MDGA2: variants seen among roughly 807,000 people sequenced by gnomAD.
MDGA2 encodes MAM domain-containing glycosylphosphatidylinositol anchor protein 2.
In MDGA2, 40 loss-of-function variants were observed where a neutral mutation model predicts 117.8. The observed-to-expected ratio is 0.34, with a 90% CI of 0.26 to 0.44. MDGA2 has a LOEUF of 0.44. Among genes scored for constraint, MDGA2 ranks in the 20% least tolerant of loss-of-function variants. MDGA2 has a pLI of 1.00. For synonymous variants in MDGA2, 452 were observed against 439.0 expected (o/e 1.03, Z -0.37); for missense variants, 1,123 against 1,250.6 (o/e 0.90, Z 1.54).
At chr14:47,017,161 A>C (rs892792219) in intron 8 of MDGA2, among the ~76,000 whole-genome samples, 15 of 151,872 alleles carry the variant, frequency 9.9e-5, no homozygotes, top group African/African-American at 3.4e-4. Context: ...CAAGCTTATC[A>C]AAGGAAAACA....
intron 1 of MDGA2, among the ~76,000 whole-genome samples, chr14:47,370,132 A>G (rs1202069081): frequency 6.6e-6 from 1 of 152,058 alleles, no homozygotes; most frequent in Non-Finnish European, 1.5e-5. Flanking sequence ...AATGAATTCA[A>G]TCATTCAATA....
chr14:47,314,968 G>A (rs183152331), intron 1 of MDGA2, among the ~76,000 whole-genome samples: 43 of 152,148 alleles, frequency 2.8e-4, no homozygotes, highest in Admixed American at 2.4e-3. Flanking sequence ...GACTTGTCTA[G>A]AGGGACGTTA....
At chr14:47,300,665 T>G (rs1889246840) in intron 2 of MDGA2, among the ~76,000 whole-genome samples, 1 of 116,838 alleles carries the variant, frequency 8.6e-6, no homozygotes, top group Non-Finnish European at 2.0e-5. Flanking sequence ...AATTTTTTAA[T>G]TTTTTTTTTT....
intron 3 of MDGA2, among the ~76,000 whole-genome samples, chr14:47,187,300 T>C (rs1489326637): frequency 6.6e-6 from 1 of 152,032 alleles, no homozygotes; most frequent in Non-Finnish European, 1.5e-5. Flanking sequence ...TTGGAATTAG[T>C]AATTTAAAAG....
At chr14:47,046,748 T>A (rs1889280910) in intron 7 of MDGA2, among the ~76,000 whole-genome samples, 1 of 152,102 alleles carries the variant, frequency 6.6e-6, no homozygotes, top group Admixed American at 6.6e-5. Flanking sequence ...AAACTACTAA[T>A]AATAGGCAGG....
rs150955424 is a variant in MDGA2, at chr14:47,471,161, C to T, written c.281-169611G>A. The stretch of plus-strand genomic sequence containing the variant: ...TTTTTCTTTTGTATCTTGCCAGGTA[C>T]GTGGTAGATGGCTGTTAGAATAAAA... On this transcript the variant is annotated intron_variant, in intron 1 of 16. Coordinates refer to ENST00000399232, the MANE Select transcript of MDGA2 (RefSeq NM_001113498.3). 2.9e-3 allele frequency among the ~76,000 whole-genome samples: 434 copies of T among 151,456 alleles called. 1 individual carries two copies. The highest frequency in any genetic ancestry group is 9.8e-3 in the African/African-American group (403 of 41,290).
chr14:47,196,501 A>G (rs1885293002), intron 3 of MDGA2, among the ~76,000 whole-genome samples: 1 of 152,206 alleles, frequency 6.6e-6, no homozygotes, highest in Admixed American at 6.5e-5. Context: ...CTAACTTTAT[A>G]TAACATCAGG....
At chr14:46,934,001 C>T (rs993395187) in intron 9 of MDGA2, among the ~76,000 whole-genome samples, 21 of 150,948 alleles carry the variant, frequency 1.4e-4, no homozygotes, top group African/African-American at 4.6e-4. Context: ...AATTTTTTCT[C>T]AAAATAAGTT....
At chr14:46,894,794 G>T (rs1341008107) in intron 10 of MDGA2, among the ~76,000 whole-genome samples, 5 of 152,110 alleles carry the variant, frequency 3.3e-5, no homozygotes, top group Admixed American at 3.3e-4. Context: ...AAGAGACCAT[G>T]TGTAACAGTA....
chr14:47,307,205 G>C (rs866105783), intron 1 of MDGA2, among the ~76,000 whole-genome samples: 1 of 151,830 alleles, frequency 6.6e-6, no homozygotes, highest in Non-Finnish European at 1.5e-5. Context: ...TCCTATCTGA[G>C]TTTCTGGTTT....
chr14:47,081,470 A>C (rs1219875804), intron 6 of MDGA2, among the ~76,000 whole-genome samples: 1 of 152,186 alleles, frequency 6.6e-6, no homozygotes, highest in East Asian at 1.9e-4. Context: ...TAAACATATA[A>C]CATCTGTGCC....
intron 2 of MDGA2, among the ~76,000 whole-genome samples, chr14:47,226,966 G>T (rs1228697340): frequency 6.6e-6 from 1 of 151,834 alleles, no homozygotes; most frequent in African/African-American, 2.4e-5. Flanking sequence ...ACACCCTCCG[G>T]TCCTCCAGAT....
intron 1 of MDGA2, among the ~76,000 whole-genome samples, chr14:47,517,194 C>T (rs1566494702): frequency 6.6e-6 from 1 of 152,016 alleles, no homozygotes; most frequent in Non-Finnish European, 1.5e-5. Context: ...AATATCATGC[C>T]TGCAAAAAAT....
At chr14:47,409,230 A>G (rs1358915320) in intron 1 of MDGA2, among the ~76,000 whole-genome samples, 1 of 152,242 alleles carries the variant, frequency 6.6e-6, no homozygotes, top group East Asian at 1.9e-4. Flanking sequence ...TATGGGAAGA[A>G]GCCAAGAGAT....
intron 1 of MDGA2, among the ~76,000 whole-genome samples, chr14:47,471,022 T>G (rs72687640): frequency 0.28 from 42,391 of 151,982 alleles, 6,298 homozygotes; most frequent in South Asian, 0.52. Flanking sequence ...GGGAAGATTA[T>G]GGACTTCTCT....
chr14:47,567,696 C>G (rs1463805672), intron 1 of MDGA2, among the ~76,000 whole-genome samples: 1 of 152,194 alleles, frequency 6.6e-6, no homozygotes, highest in South Asian at 2.1e-4. Context: ...TTCCACTTCC[C>G]TAACACCCCT....
At chr14:47,304,408 C>A (rs967278289) in intron 1 of MDGA2, among the ~76,000 whole-genome samples, 30 of 152,068 alleles carry the variant, frequency 2.0e-4, no homozygotes, top group Non-Finnish European at 7.4e-5. Context: ...AATTAGTGTT[C>A]TAAATAACTC....
intron 1 of MDGA2, among the ~76,000 whole-genome samples, chr14:47,664,851 T>C (rs1223445706): frequency 6.6e-6 from 1 of 152,116 alleles, no homozygotes; most frequent in Non-Finnish European, 1.5e-5. Flanking sequence ...CCAAAAGGAG[T>C]TGCCCCCCAC....
rs191384397 is a variant in MDGA2 at position 47,310,279 on chromosome 14, A to G, written c.281-8729T>C. ...TCTAAGGTTCATAACATTCTTTTCAAATACAGCATTTGACAACTTCTGACA... is the reference window on the plus strand; with the variant it reads ...TCTAAGGTTCATAACATTCTTTTCAGATACAGCATTTGACAACTTCTGACA... On this transcript the variant is annotated intron_variant, in intron 1 of 16. Coordinates refer to ENST00000399232, the MANE Select transcript of MDGA2 (RefSeq NM_001113498.3). Among the ~76,000 whole-genome samples the G allele has an allele frequency of 1.1e-4, 16 of 152,252 alleles. No homozygotes were observed. The East Asian group carries it at 2.7e-3, about 26-fold the overall frequency.
Sources: gnomAD v4.1 joint callset for allele counts (sites outside exome capture counted in the v4.1 genomes callset) on GRCh38, gnomAD v4.1.1 for gene constraint, MANE v1.5 for transcripts, NCBI Gene and HGNC (gene_info 2026-07-23, HGNC 2026-07-21) for gene names.